TJP3: variants seen among roughly 807,000 people sequenced by gnomAD.
TJP3 encodes the protein tight junction protein 3.
In TJP3, 85 loss-of-function variants were observed where a neutral mutation model predicts 104.2. That is an observed-to-expected ratio of 0.82 (90% CI 0.68 to 0.98). The LOEUF (loss-of-function observed/expected upper bound fraction) is 0.98, where lower values mean the gene tolerates loss of function less well. Ranked by LOEUF, TJP3 falls within the 50% of genes least tolerant of loss-of-function variation. The pLI is 0.00. For missense variants in TJP3, 1,367 were observed against 1,322.8 expected (o/e 1.03, Z -0.52); for synonymous variants, 550 against 550.6 (o/e 1.00, Z 0.02).
At position 3,733,840 on chromosome 19, in the gene TJP3, C is replaced by A. The variant is rs963905160; in HGVS notation, c.805C>A (p.Leu269Met). The stretch of plus-strand genomic sequence containing the variant: ...AGAAGGGAAGCTAAGCCTGCTGGTG[C>A]TGAGAGATCGTGGGCAGTTCCTGGT... ...KSEGKLSLLV[L>M]RDRGQFLVNI... Residue 269 changes from leucine to methionine, a missense_variant, in exon 7 of 21, where the codon CTG becomes ATG. Transcript: ENST00000541714. The A allele has an allele frequency of 1.2e-5, 20 of 1,614,112 alleles. No individual in the cohort carries two copies. Among genetic ancestry groups the A allele is most frequent in the Non-Finnish European group, 1.7e-5 (20 of 1,180,042 alleles).
chr19:3,733,793 C>G lies in TJP3; in HGVS notation c.758C>G (p.Thr253Ser). 2 of 1,614,196 alleles carry G rather than the reference C, an allele frequency of 1.2e-6. No homozygotes were observed. The highest frequency in any genetic ancestry group is 8.5e-7 in the Non-Finnish European group (1 of 1,180,036). The change falls in exon 7 of 21, where the codon ACC (threonine) becomes AGC (serine). Residue 253 changes from threonine to serine, a missense_variant. By Grantham distance (58) the Thr-to-Ser change is moderately conservative. Coordinates refer to ENST00000541714, the MANE Select transcript of TJP3 (RefSeq NM_001267560.2). ...AGCCAGAACCTGTCACTGAACGACA[C>G]CCGGCGACTGATTGAGAAGTCAGAA... ...VSSQNLSLND[T>S]RRLIEKSEGK...
At chr19:3,716,801 A>ATATATT (rs1421328174) in intron 1 of TJP3, among the ~76,000 whole-genome samples, 32 of 81,930 alleles carry the variant, frequency 3.9e-4, no homozygotes, top group African/African-American at 1.3e-3. Flanking sequence ...ATATATATAT[A>ATATATT]TTTTTTTTTT....
intron 6 of TJP3, among the ~76,000 whole-genome samples, chr19:3,732,659 G>A (rs7251357): frequency 0.28 from 42,003 of 151,482 alleles, 6,049 homozygotes; most frequent in East Asian, 0.38. Context: ...ACAGGTGCCC[G>A]CCACCACACC....
At chr19:3,739,725 C>T (rs1308175843) in intron 13 of TJP3, among the ~76,000 whole-genome samples, 2 of 152,286 alleles carry the variant, frequency 1.3e-5, no homozygotes, top group African/African-American at 4.8e-5. Flanking sequence ...CTCCCAGAGG[C>T]TCCAGGAGAA....
At chr19:3,747,635 AC>A (rs2036917132) in intron 18 of TJP3, among the ~76,000 whole-genome samples, 158 bp from the exon 19 acceptor site, 1 of 152,234 alleles carries the variant, frequency 6.6e-6, no homozygotes, top group African/African-American at 2.4e-5. Context: ...GTCAATGGAT[AC>A]AACCCATCCT....
intron 1 of TJP3, among the ~76,000 whole-genome samples, chr19:3,727,692 T>C (rs1461277122): frequency 6.6e-6 from 1 of 151,772 alleles, no homozygotes; most frequent in African/African-American, 2.4e-5. Flanking sequence ...AGGTCAGGAG[T>C]TTGAGACCAG....
At chr19:3,741,165 G>A (rs1298789616) in intron 14 of TJP3, among the ~76,000 whole-genome samples, 1 of 151,778 alleles carries the variant, frequency 6.6e-6, no homozygotes, top group Admixed American at 6.6e-5. Flanking sequence ...CCCGCCCCCA[G>A]CTAATTTTTG....
Position 3,734,322 on chromosome 19 carries a change from T to G in TJP3, c.878-5T>G, listed in dbSNP as rs901989779. ...TGGCTGATGAGATGTCCTCTCCCCC[T>G]GCAGACATCTCGGACCTCGCCTCGG... On this transcript the variant is annotated splice_polypyrimidine_tract_variant and splice_region_variant and intron_variant, in intron 7 of 20. Coordinates refer to ENST00000541714, the MANE Select transcript of TJP3 (RefSeq NM_001267560.2). 1 of 1,613,416 alleles carries G rather than the reference T, an allele frequency of 6.2e-7. No individual in the cohort carries two copies. Among genetic ancestry groups the G allele is most frequent in the Non-Finnish European group, 8.5e-7 (1 of 1,179,704 alleles).
At chr19:3,727,783 C>T (rs1273884697) in intron 1 of TJP3, among the ~76,000 whole-genome samples, 3 of 152,058 alleles carry the variant, frequency 2.0e-5, no homozygotes, top group African/African-American at 7.2e-5. Context: ...TGTAGGTGCC[C>T]AGCTACTCAG....
chr19:3,741,587 A>T (rs1297308271), intron 14 of TJP3, among the ~76,000 whole-genome samples: 1 of 146,162 alleles, frequency 6.8e-6, no homozygotes, highest in Non-Finnish European at 1.5e-5. Context: ...TGATCGCACC[A>T]CTGCACTCCA....
intron 1 of TJP3, among the ~76,000 whole-genome samples, chr19:3,724,805 C>T (rs1453237179): frequency 6.6e-6 from 1 of 151,982 alleles, no homozygotes; most frequent in African/African-American, 2.4e-5. Flanking sequence ...TCCCAAAGTG[C>T]TGAGATTATA....
intron 1 of TJP3, among the ~76,000 whole-genome samples, chr19:3,718,076 T>G (rs1046486300): frequency 6.6e-6 from 1 of 150,938 alleles, no homozygotes; most frequent in Non-Finnish European, 1.5e-5. Flanking sequence ...CAGCCGGGCA[T>G]GTGCCTGTAG....
intron 1 of TJP3, among the ~76,000 whole-genome samples, chr19:3,717,552 C>T (rs2036491834): frequency 6.6e-6 from 1 of 151,970 alleles, no homozygotes; most frequent in Admixed American, 6.6e-5. Flanking sequence ...TCTCTTGCCT[C>T]AGCCTCCTGA....
At chr19:3,718,842 G>C (rs779885746) in intron 1 of TJP3, among the ~76,000 whole-genome samples, 3 of 152,144 alleles carry the variant, frequency 2.0e-5, no homozygotes, top group Non-Finnish European at 2.9e-5. Context: ...GGTAGGGAAT[G>C]ATGTGTTTTT....
intron 1 of TJP3, chr19:3,721,887 T>TG: frequency 8.2e-7 from 1 of 1,226,836 alleles, no homozygotes; most frequent in Non-Finnish European, 1.0e-6. Flanking sequence ...AGCCCCCAGG[T>TG]GGACCATGGC....
At chr19:3,747,509 T>TG (rs772058710) in intron 18 of TJP3, among the ~76,000 whole-genome samples, 2 of 152,120 alleles carry the variant, frequency 1.3e-5, no homozygotes, top group Non-Finnish European at 2.9e-5. Flanking sequence ...CACTCCAGCC[T>TG]GGCAACAGAG....
Position 3,730,718 on chromosome 19 carries a change from C to G in TJP3, c.613+12C>G, listed in dbSNP as rs184725119. The stretch of plus-strand genomic sequence containing the variant: ...GAGAGACAGCGAAGGTCAGAAGAGG[C>G]GGGAGGTCGGACACGATCAGTACTG... On this transcript the variant is annotated intron_variant, in intron 5 of 20. Coordinates refer to ENST00000541714, the MANE Select transcript of TJP3 (RefSeq NM_001267560.2). The surrounding 1 kb of genome is among the most constrained non-coding windows in gnomAD (Gnocchi z 7.3). The G allele has an allele frequency of 2.9e-5, 47 of 1,601,008 alleles. No homozygotes were observed. Among genetic ancestry groups the G allele is most frequent in the Non-Finnish European group, 4.0e-5 (47 of 1,179,108 alleles).
At chr19:3,742,105 G>T (rs1303415224) in intron 14 of TJP3, among the ~76,000 whole-genome samples, 1 of 152,078 alleles carries the variant, frequency 6.6e-6, no homozygotes, top group Non-Finnish European at 1.5e-5. Flanking sequence ...CCTTACAAAA[G>T]GAAAAAGAAA....
chr19:3,736,740 A>G (rs564310195), intron 11 of TJP3, among the ~76,000 whole-genome samples: 2 of 151,842 alleles, frequency 1.3e-5, no homozygotes, highest in African/African-American at 4.8e-5. Flanking sequence ...ACGCCCGGCT[A>G]ATTTTTATAT....
Sources: allele counts gnomAD v4.1 joint callset (sites outside exome capture counted in the v4.1 genomes callset), GRCh38; gene constraint gnomAD v4.1.1; non-coding constraint Gnocchi (gnomAD v3.1); transcripts MANE v1.5; gene names NCBI Gene and HGNC (gene_info 2026-07-23, HGNC 2026-07-21).